The following CADM2 variants were observed in gnomAD, a reference collection of about 807,000 sequenced individuals.
CADM2 encodes immunoglobulin superfamily member 4D.
Under a neutral mutation model 49.8 loss-of-function variants are expected in CADM2, and 12 were observed. The observed-to-expected ratio is 0.24, with a 90% CI of 0.15 to 0.39. The LOEUF (loss-of-function observed/expected upper bound fraction) is 0.39. CADM2 is among the 10% of genes least tolerant of loss of function. The pLI is 1.00. For missense variants in CADM2, 378 were observed against 492.3 expected (o/e 0.77, Z 2.20); for synonymous variants, 214 against 175.4 (o/e 1.22, Z -1.74).
intron 5 of CADM2, among the ~76,000 whole-genome samples, chr3:85,900,389 A>G (rs192324919): frequency 1.2e-3 from 186 of 152,260 alleles, no homozygotes; most frequent in Non-Finnish European, 1.8e-3. Context: ...TTGACAGGCT[A>G]TTTTAAATTA....
At chr3:85,790,577 A>G (rs2071263841) in intron 2 of CADM2, among the ~76,000 whole-genome samples, 2 of 152,210 alleles carry the variant, frequency 1.3e-5, no homozygotes, top group African/African-American at 4.8e-5. Flanking sequence ...GAAGCCAACA[A>G]AGAACTAGGG....
chr3:85,588,656 A>T (rs748657045), intron 1 of CADM2, among the ~76,000 whole-genome samples: 3 of 152,028 alleles, frequency 2.0e-5, no homozygotes, highest in Non-Finnish European at 2.9e-5. Context: ...TTTTTTATGC[A>T]GCCCTACTCA....
At chr3:86,022,647 T>G (rs1733344414) in intron 8 of CADM2, among the ~76,000 whole-genome samples, 1 of 152,160 alleles carries the variant, frequency 6.6e-6, no homozygotes, top group Non-Finnish European at 1.5e-5. Context: ...AAAATATGCA[T>G]AATAGCCATT....
intron 8 of CADM2, among the ~76,000 whole-genome samples, chr3:86,034,505 T>A (rs1340946318): frequency 6.6e-6 from 1 of 152,072 alleles, no homozygotes; most frequent in Non-Finnish European, 1.5e-5. Context: ...GTTCTTGGAC[T>A]TTGCAGCTCA....
intron 1 of CADM2, among the ~76,000 whole-genome samples, chr3:84,966,570 A>G (rs1040612985): frequency 1.3e-5 from 2 of 152,192 alleles, no homozygotes; most frequent in Non-Finnish European, 1.5e-5. Context: ...TGAAATAACA[A>G]TAGGGTTGAG....
intron 7 of CADM2, among the ~76,000 whole-genome samples, chr3:85,954,193 A>C (rs1723773804): frequency 6.6e-6 from 1 of 151,090 alleles, no homozygotes; most frequent in African/African-American, 2.4e-5. Flanking sequence ...AAATCTGAGG[A>C]GAAAACACGG....
intron 1 of CADM2, among the ~76,000 whole-genome samples, chr3:85,110,104 C>T (rs1056492922): frequency 4.0e-5 from 6 of 151,852 alleles, no homozygotes; most frequent in South Asian, 2.1e-4. Flanking sequence ...CAATTTCATC[C>T]GAAGCAGGGT....
intron 8 of CADM2, among the ~76,000 whole-genome samples, chr3:86,020,171 C>T (rs996744831): frequency 1.3e-5 from 2 of 152,070 alleles, no homozygotes; most frequent in African/African-American, 2.4e-5. Context: ...ACCGATCCCA[C>T]AGAAATACAA....
intron 1 of CADM2, among the ~76,000 whole-genome samples, chr3:85,418,314 G>T (rs2036006585): frequency 6.6e-6 from 1 of 151,934 alleles, no homozygotes; most frequent in Non-Finnish European, 1.5e-5. Context: ...TATCAATTTT[G>T]GTCCCTCAGA....
intron 1 of CADM2, among the ~76,000 whole-genome samples, chr3:85,094,390 T>A (rs934791526): frequency 6.6e-6 from 1 of 152,124 alleles, no homozygotes; most frequent in Non-Finnish European, 1.5e-5. Context: ...CCAACCATTT[T>A]ATAAATGTAT....
intron 6 of CADM2, among the ~76,000 whole-genome samples, chr3:85,926,287 T>C (rs1040008178): frequency 1.3e-5 from 2 of 152,146 alleles, no homozygotes; most frequent in Non-Finnish European, 2.9e-5. Context: ...GGCTGTCCTA[T>C]GTGCTGTGGG....
rs2063440030 is a variant in CADM2, at chr3:85,602,639, T to C, written c.62-123883T>C. On this transcript the variant is annotated intron_variant, in intron 1 of 9. Coordinates refer to ENST00000383699, the MANE Select transcript of CADM2 (RefSeq NM_001167675.2). ...AATAGGACATGTATATTAGAATGCT[T>C]ATACCTGTATTTGATTCTTATACAC... 2.0e-5 allele frequency among the ~76,000 whole-genome samples: 3 copies of C among 151,798 alleles called. No homozygotes were observed. In the Admixed American group the frequency reaches 2.0e-4, roughly 10 times the overall value.
chr3:85,561,263 T>A (rs1007698563), intron 1 of CADM2, among the ~76,000 whole-genome samples: 4 of 152,310 alleles, frequency 2.6e-5, no homozygotes, highest in Admixed American at 1.3e-4. Flanking sequence ...TGTTCATTTA[T>A]GTTGCTTAAT....
intron 8 of CADM2, among the ~76,000 whole-genome samples, chr3:86,061,685 C>T (rs184585733): frequency 1.3e-5 from 2 of 151,802 alleles, no homozygotes; most frequent in African/African-American, 2.4e-5. Context: ...ACTAATCTAT[C>T]TGAAAATACC....
At chr3:85,947,702 A>T (rs183735561) in intron 7 of CADM2, among the ~76,000 whole-genome samples, 143 of 151,602 alleles carry the variant, frequency 9.4e-4, no homozygotes, top group Non-Finnish European at 1.7e-3. Flanking sequence ...ATGAGACCGA[A>T]TATATTTGGT....
chr3:85,449,939 G>A (rs780405798), intron 1 of CADM2, among the ~76,000 whole-genome samples: 8 of 152,014 alleles, frequency 5.3e-5, no homozygotes, highest in Non-Finnish European at 1.2e-4. Context: ...ATGCAAATTG[G>A]TTCCTATGGA....
At chr3:85,882,573 C>T (rs1712975105) in intron 3 of CADM2, among the ~76,000 whole-genome samples, 2 of 152,058 alleles carry the variant, frequency 1.3e-5, no homozygotes, top group Admixed American at 1.3e-4. Flanking sequence ...TTCTACAGCT[C>T]TACTTAGTAG....
chr3:85,850,394 G>C (rs943452053), intron 3 of CADM2, among the ~76,000 whole-genome samples: 3 of 143,116 alleles, frequency 2.1e-5, no homozygotes, highest in Admixed American at 7.4e-5. Context: ...GCGCGATCTC[G>C]GCTCACTGCA....
At chr3:85,521,696 G>T (rs928968447) in intron 1 of CADM2, among the ~76,000 whole-genome samples, 4 of 152,140 alleles carry the variant, frequency 2.6e-5, no homozygotes, top group African/African-American at 9.7e-5. Context: ...TTAAAACCCT[G>T]TAGCTAATTT....
Sources: gnomAD v4.1 joint callset for allele counts (sites outside exome capture counted in the v4.1 genomes callset) on GRCh38, gnomAD v4.1.1 for gene constraint, MANE v1.5 for transcripts, NCBI Gene and HGNC (gene_info 2026-07-23, HGNC 2026-07-21) for gene names.